The following GGTA1 variants were observed in gnomAD, a reference collection of about 807,000 sequenced individuals.
The protein encoded by GGTA1 is inactive N-acetyllactosaminide alpha-1,3-galactosyltransferase.
Under a neutral mutation model 2.6 loss-of-function variants are expected in GGTA1, and 5 were observed. The observed-to-expected ratio is 1.92, with a 90% CI of 1.00 to 4.04. GGTA1 has a LOEUF of 4.04. GGTA1 is among the 30% of genes most tolerant of loss of function. The pLI is 0.00. For synonymous variants in GGTA1, 17 were observed against 5.0 expected (o/e 3.38, Z -3.19); for missense variants, 50 against 16.7 (o/e 2.99, Z -3.47).
intron 1 of GGTA1, among the ~76,000 whole-genome samples, chr9:121,485,801 G>A (rs938401875): frequency 1.3e-5 from 2 of 152,134 alleles, no homozygotes; most frequent in African/African-American, 4.8e-5. Context: ...AGTGGGGAAG[G>A]TCCCCTCCCC....
chr9:121,454,579 AC>A (rs1390261628), downstream of GGTA1, among the ~76,000 whole-genome samples: 1 of 152,206 alleles, frequency 6.6e-6, no homozygotes, highest in Admixed American at 6.5e-5. Flanking sequence ...TGGGATTTAA[AC>A]AAGATCTGCT....
chr9:121,480,969 C>T (rs778345293), intron 1 of GGTA1, among the ~76,000 whole-genome samples: 16 of 151,606 alleles, frequency 1.1e-4, no homozygotes, highest in South Asian at 4.2e-4. Flanking sequence ...CTGGCTAACA[C>T]GGTGAAATCC....
rs200838646 is a variant in GGTA1, at chr9:121,470,339, G to A, written c.-9-2408C>T. 2.6e-5 allele frequency among the ~76,000 whole-genome samples: 4 copies of A among 152,200 alleles called. No homozygotes were observed. In the East Asian group the frequency reaches 7.7e-4, roughly 29 times the overall value. On this transcript the variant is annotated intron_variant, in intron 1 of 5. Transcript: ENST00000481799. ...AGGTTTCTGTCTAAGCAGTCAGGTG[G>A]ACAATTGTAGCATTTTCTGAGATGT... is the stretch of plus-strand genomic sequence containing the variant.
chr9:121,473,729 C>T (rs10818545), intron 1 of GGTA1, among the ~76,000 whole-genome samples: 9,462 of 152,148 alleles, frequency 0.062, 347 homozygotes, highest in East Asian at 0.11. Context: ...AGTTCGAGAC[C>T]AGCCTGGGCA....
At chr9:121,471,396 C>T (rs768032154) in intron 1 of GGTA1, among the ~76,000 whole-genome samples, 4 of 152,104 alleles carry the variant, frequency 2.6e-5, no homozygotes, top group Admixed American at 1.3e-4. Context: ...ATAGAGTACA[C>T]GAGGCACTCC....
chr9:121,478,554 G>C (rs747280856), intron 1 of GGTA1, among the ~76,000 whole-genome samples: 3 of 152,190 alleles, frequency 2.0e-5, no homozygotes, highest in Non-Finnish European at 2.9e-5. Flanking sequence ...ACCTCAGTGA[G>C]CTGGTGGGTC....
intron 1 of GGTA1, among the ~76,000 whole-genome samples, chr9:121,474,955 C>A (rs1052238852): frequency 1.3e-5 from 2 of 152,146 alleles, no homozygotes; most frequent in Non-Finnish European, 2.9e-5. Flanking sequence ...CTGGCACAGG[C>A]CCTGGCTCCC....
At position 121,457,806 on chromosome 9, in the gene GGTA1, G is replaced by A. The variant is rs543516707; in HGVS notation, c.299-1965C>T. 2.8e-4 allele frequency among the ~76,000 whole-genome samples: 43 copies of A among 152,054 alleles called. No homozygotes were observed. The South Asian group carries it at 6.3e-3, about 22-fold the overall frequency. On this transcript the variant is annotated intron_variant, in intron 5 of 5. Coordinates refer to ENST00000481799, the MANE Select transcript of GGTA1 (RefSeq NM_001382585.1). ...CTGGGAAGAGGGAGCTGCCCCTCTC[G>A]GGAGACGGTCACAAATGAGGATGTG...
chr9:121,481,390 A>G (rs1046583744), intron 1 of GGTA1, among the ~76,000 whole-genome samples: 3 of 152,178 alleles, frequency 2.0e-5, no homozygotes, highest in Middle Eastern at 3.4e-3. Context: ...TTAAAGTTCA[A>G]AAATAGGCCA....
chr9:121,463,638 G>T (rs1477400675), intron 2 of GGTA1, among the ~76,000 whole-genome samples: 3 of 152,060 alleles, frequency 2.0e-5, no homozygotes, highest in African/African-American at 7.2e-5. Flanking sequence ...ATCCACCCCC[G>T]TTGGCCTCCC....
At position 121,473,111 on chromosome 9, in the gene GGTA1, G is replaced by C. The variant is rs932234873; in HGVS notation, c.-9-5180C>G. ...GAGGTGGGCGGATCACTTGAGGTCA[G>C]GAGTTCGAGACCAGCCTGGCCAACA... On this transcript the variant is annotated intron_variant, in intron 1 of 5. Coordinates refer to ENST00000481799, the MANE Select transcript of GGTA1 (RefSeq NM_001382585.1). Among the ~76,000 whole-genome samples, 7 of 152,198 alleles carry C rather than the reference G, an allele frequency of 4.6e-5. No homozygotes were observed. In the South Asian group the frequency reaches 6.2e-4, roughly 14 times the overall value.
intron 1 of GGTA1, among the ~76,000 whole-genome samples, chr9:121,481,252 A>G (rs891035135): frequency 7.2e-5 from 11 of 152,062 alleles, no homozygotes; most frequent in African/African-American, 2.7e-4. Flanking sequence ...TAGTCCCACA[A>G]TGGGATTCTA....
intron 7 of GGTA1, among the ~76,000 whole-genome samples, chr9:121,449,551 A>G (rs3860151): frequency 0.61 from 93,477 of 152,030 alleles, 28,928 homozygotes; most frequent in South Asian, 0.73. Context: ...ATTGCACGCC[A>G]TCTCCCATTG....
intron 1 of GGTA1, among the ~76,000 whole-genome samples, chr9:121,472,985 GA>G (rs1564654447): frequency 6.6e-6 from 1 of 152,112 alleles, no homozygotes; most frequent in Admixed American, 6.6e-5. Context: ...TCTATGGCTT[GA>G]ATCTGCCTGC....
intron 1 of GGTA1, among the ~76,000 whole-genome samples, chr9:121,483,124 C>T (rs1055465237): frequency 6.6e-6 from 1 of 152,188 alleles, no homozygotes; most frequent in African/African-American, 2.4e-5. Flanking sequence ...TTACAGTTTA[C>T]AGAGCAGCCT....
chr9:121,480,980 C>T (rs561936035), intron 1 of GGTA1, among the ~76,000 whole-genome samples: 16 of 151,782 alleles, frequency 1.1e-4, no homozygotes, highest in Admixed American at 4.6e-4. Context: ...GGTGAAATCC[C>T]ATCTCTACTA....
intron 1 of GGTA1, among the ~76,000 whole-genome samples, chr9:121,489,890 A>G (rs944022779): frequency 1.3e-5 from 2 of 152,178 alleles, no homozygotes; most frequent in African/African-American, 4.8e-5. Context: ...TAGTGAAGGA[A>G]GTCTGGGATC....
chr9:121,460,775 G>A (rs1428112944), intron 4 of GGTA1, among the ~76,000 whole-genome samples: 1 of 151,878 alleles, frequency 6.6e-6, no homozygotes, highest in Admixed American at 6.6e-5. Context: ...AACCAAGGAG[G>A]TGGAGGTTGT....
chr9:121,464,025 G>C (rs1385609521), intron 2 of GGTA1, among the ~76,000 whole-genome samples: 1 of 152,138 alleles, frequency 6.6e-6, no homozygotes, highest in Non-Finnish European at 1.5e-5. Context: ...TGGCACTCAG[G>C]CCATGGATTT....
Sources: gnomAD v4.1 joint callset for allele counts (sites outside exome capture counted in the v4.1 genomes callset) on GRCh38, gnomAD v4.1.1 for gene constraint, MANE v1.5 for transcripts, NCBI Gene and HGNC (gene_info 2026-07-23, HGNC 2026-07-21) for gene names.